Variants in HERC2 observed in about 807,000 individuals in gnomAD.
The protein encoded by HERC2 is E3 ubiquitin-protein ligase HERC2.
In HERC2, 102 loss-of-function variants were observed where a neutral mutation model predicts 537.7. That is an observed-to-expected ratio of 0.19 (90% CI 0.16 to 0.22). The LOEUF is 0.22. Among genes scored for constraint, HERC2 ranks in the 10% least tolerant of loss-of-function variants. The pLI is 1.00. For synonymous variants in HERC2, 2,224 were observed against 2,466.2 expected (o/e 0.90, Z 2.91); for missense variants, 4,236 against 6,198.2 (o/e 0.68, Z 10.63).
intron 4 of HERC2, among the ~76,000 whole-genome samples, chr15:28,290,910 GAA>G (rs1567125458): frequency 1.3e-5 from 2 of 151,992 alleles, no homozygotes; most frequent in African/African-American, 2.4e-5. Context: ...AAGAAACTAG[GAA>G]AGACAGAAGA....
chr15:28,149,106 G>A (rs987140320), intron 70 of HERC2, among the ~76,000 whole-genome samples: 1 of 148,422 alleles, frequency 6.7e-6, no homozygotes, highest in Non-Finnish European at 1.5e-5. Context: ...ACAGCCACAC[G>A]AACGTATAAT....
intron 45 of HERC2, among the ~76,000 whole-genome samples, chr15:28,205,262 A>C: frequency 8.2e-6 from 1 of 121,444 alleles, no homozygotes; most frequent in Non-Finnish European, 1.7e-5. Flanking sequence ...CCAGTTGTTC[A>C]CACTCGGCAT....
chr15:28,249,670 C>A (rs1054864204), intron 20 of HERC2, among the ~76,000 whole-genome samples: 2 of 152,042 alleles, frequency 1.3e-5, no homozygotes, highest in African/African-American at 2.4e-5. Context: ...TTTTTTGAGA[C>A]AGAGTCTAGC....
At chr15:28,185,919 T>G (rs1229923849) in intron 56 of HERC2, among the ~76,000 whole-genome samples, 3 of 152,156 alleles carry the variant, frequency 2.0e-5, no homozygotes, top group South Asian at 4.1e-4. Flanking sequence ...TGGCCCACAG[T>G]AGGCATTCAA....
In HERC2 at chr15:28,111,536, G is replaced by A. The variant is rs763413815; in HGVS notation, c.*227C>T. ...AGTCCTACATGTAATGCAGCATTAC[G>A]GGTGAGAAGACCCTTGGAAGTCGAG... On this transcript the variant is annotated 3_prime_UTR_variant, in exon 93 of 93. Transcript: ENST00000261609. The A allele has an allele frequency of 9.1e-5, 52 of 573,426 alleles. No homozygotes were observed. In the East Asian group the frequency reaches 9.2e-4, roughly 10 times the overall value. The allele number at this position is 573,426 out of a possible 1,614,324, so 35.5% of individuals were successfully genotyped here. A position where few individuals can be genotyped will look rare whatever the true frequency, so the allele number is the denominator to read the frequency against.
chr15:28,196,505 C>T lies in HERC2; in HGVS notation c.8076G>A (p.Leu2692=). ...TGGGTACCAACTCCATTTCTGATAGCAACCCAGTCCAGTGAGACTGCTGGG... is the reference window on the plus strand; with the variant it reads ...TGGGTACCAACTCCATTTCTGATAGTAACCCAGTCCAGTGAGACTGCTGGG... ...DFPQQSHWTG[L]LSEMELVPSI... The change falls in exon 51 of 93, where the codon TTG becomes TTA. Residue 2692 remains leucine, a synonymous_variant. Coordinates refer to ENST00000261609, the MANE Select transcript of HERC2 (RefSeq NM_004667.6). 1 of 1,613,616 alleles carries T rather than the reference C, an allele frequency of 6.2e-7. No individual in the cohort carries two copies. Among genetic ancestry groups the T allele is most frequent in the Non-Finnish European group, 8.5e-7 (1 of 1,179,570 alleles).
intron 65 of HERC2, among the ~76,000 whole-genome samples, chr15:28,173,007 T>A (rs2140125553): frequency 6.6e-6 from 1 of 152,314 alleles, no homozygotes; most frequent in Non-Finnish European, 1.5e-5. Flanking sequence ...ATGCTTGAGA[T>A]CATTAGTTAC....
intron 55 of HERC2, among the ~76,000 whole-genome samples, chr15:28,188,713 T>G (rs758827976): frequency 2.0e-5 from 3 of 152,088 alleles, no homozygotes; most frequent in Non-Finnish European, 2.9e-5. Context: ...GAAACATGAC[T>G]GGCAAAATGT....
chr15:28,172,709 T>C (rs1395439449), intron 65 of HERC2, among the ~76,000 whole-genome samples: 4 of 152,168 alleles, frequency 2.6e-5, no homozygotes, highest in African/African-American at 9.7e-5. Flanking sequence ...GGCAAAGGTT[T>C]TGTAGACACA....
intron 2 of HERC2, among the ~76,000 whole-genome samples, chr15:28,304,665 T>C (rs2076730534): frequency 6.6e-6 from 1 of 151,580 alleles, no homozygotes; most frequent in South Asian, 2.1e-4. Context: ...CACCCGGCCT[T>C]TCTCTCTCTT....
rs73362604 is a variant in HERC2, at chr15:28,177,538, C to A, written c.9164-29G>T. On this transcript the variant is annotated intron_variant, in intron 59 of 92. Transcript: ENST00000261609. This position sits in a 1 kb window ranked among gnomAD's most constrained non-coding sequence, Gnocchi z 5.0. The stretch of plus-strand genomic sequence containing the variant: ...CAACATTCACAGACACACGGATTGC[C>A]AAAGGGCAGGGAACAGAAAGCCCAC... The A allele has an allele frequency of 4.6e-3, 7,406 of 1,608,526 alleles. 298 individuals are homozygous for A. In the African/African-American group the frequency reaches 0.088, roughly 19 times the overall value.
chr15:28,177,398 G>A lies in HERC2; in HGVS notation c.9254+21C>T, dbSNP rs1895396116. The A allele has an allele frequency of 2.5e-6, 4 of 1,601,022 alleles. No homozygotes were observed. Among genetic ancestry groups the A allele is most frequent in the African/African-American group, 2.7e-5 (2 of 74,760 alleles). The stretch of plus-strand genomic sequence containing the variant: ...GAAACAGTTTCTTATTAGCAAATGA[G>A]ACTAAAAAAAGTACCCTTACATTCT... On this transcript the variant is annotated intron_variant, in intron 60 of 92. Transcript: ENST00000261609. The surrounding 1 kb of genome is among the most constrained non-coding windows in gnomAD (Gnocchi z 5.0).
intron 86 of HERC2, among the ~76,000 whole-genome samples, chr15:28,118,714 C>T (rs955382512): frequency 2.6e-5 from 4 of 152,180 alleles, no homozygotes; most frequent in Non-Finnish European, 5.9e-5. Flanking sequence ...GGGTTGGAGG[C>T]GCCTGTGCAG....
At position 28,218,678 on chromosome 15, in the gene HERC2, A is replaced by G; in HGVS notation, c.5846-7T>C. The G allele has an allele frequency of 6.4e-7, 1 of 1,567,138 alleles. No homozygotes were observed. The highest frequency in any genetic ancestry group is 8.7e-7 in the Non-Finnish European group (1 of 1,151,344). On this transcript the variant is annotated splice_region_variant and splice_polypyrimidine_tract_variant and intron_variant, in intron 37 of 92. Coordinates refer to ENST00000261609, the MANE Select transcript of HERC2 (RefSeq NM_004667.6). ...CTTTCAGTTTGTTCGGCTTCTAAAA[A>G]AAATAATCAAAATTACAAATTATAT...
At chr15:28,263,959 C>A (rs1370486866) in intron 14 of HERC2, among the ~76,000 whole-genome samples, 3 of 142,578 alleles carry the variant, frequency 2.1e-5, no homozygotes, top group African/African-American at 7.9e-5. Context: ...GTGGAGTTTG[C>A]GGCGAGCCGA....
chr15:28,184,561 T>C (rs1177369892), intron 56 of HERC2, among the ~76,000 whole-genome samples: 5 of 152,086 alleles, frequency 3.3e-5, no homozygotes. Context: ...ATATACAATA[T>C]ATGTATTAAT....
rs1338113442 is a variant in HERC2 at position 28,212,999 on chromosome 15, G to A, written c.6787-416C>T. The A allele has an allele frequency of 2.0e-5, 3 of 150,800 alleles. No homozygotes were observed. The East Asian group carries it at 5.8e-4, about 29-fold the overall frequency. 9.3% of individuals were successfully genotyped at this position (150,800 alleles called of 1,614,324 possible). On this transcript the variant is annotated intron_variant, in intron 42 of 92. Coordinates refer to ENST00000261609, the MANE Select transcript of HERC2 (RefSeq NM_004667.6). ...GGCCGAGGCGGGCGGATCACCTGAG[G>A]TCAGGAGTTTGAGACCAGCCCGGCC...
chr15:28,113,216 G>C lies in HERC2; in HGVS notation c.14087C>G (p.Pro4696Arg). The change falls in exon 92 of 93, where the codon CCT becomes CGT. Residue 4696 changes from proline (P) to arginine (R), a missense_variant. Physicochemically the swap from Pro to Arg is moderately radical, Grantham distance 103. Transcript: ENST00000261609. The surrounding 1 kb of genome is among the most constrained non-coding windows in gnomAD (Gnocchi z 7.0). ...KSVATYKGIE[P>R]SASLIQWFWE... ...GAACCACTGGATCAGCGATGCGGAA[G>C]GCTCGATGCCTTTATAGGTGGCCAC... is the stretch of plus-strand genomic sequence containing the variant. The C allele has an allele frequency of 1.9e-6, 3 of 1,614,180 alleles. No individual in the cohort carries two copies. The highest frequency in any genetic ancestry group is 2.5e-6 in the Non-Finnish European group (3 of 1,180,042).
chr15:28,191,441 C>T (rs575766586), intron 53 of HERC2, among the ~76,000 whole-genome samples, 197 bp from the exon 54 acceptor site: 1 of 152,280 alleles, frequency 6.6e-6, no homozygotes, highest in African/African-American at 2.4e-5. Context: ...AAAAGTCTCA[C>T]TCTAAGACTC....
Sources: allele counts gnomAD v4.1 joint callset (sites outside exome capture counted in the v4.1 genomes callset), GRCh38; gene constraint gnomAD v4.1.1; non-coding constraint Gnocchi (gnomAD v3.1); transcripts MANE v1.5; gene names NCBI Gene and HGNC (gene_info 2026-07-23, HGNC 2026-07-21).